The following CHN2 variants were observed in gnomAD, a reference collection of about 807,000 sequenced individuals.
CHN2 encodes the protein beta-chimaerin.
CHN2 carries 35 observed loss-of-function variants against 56.3 expected under a neutral mutation model. The observed-to-expected ratio is 0.62, with a 90% CI of 0.47 to 0.82. The LOEUF (loss-of-function observed/expected upper bound fraction) is 0.82, where lower values mean the gene tolerates loss of function less well. Ranked by LOEUF, CHN2 falls within the 40% of genes least tolerant of loss-of-function variation. The pLI, the probability that CHN2 is intolerant of heterozygous loss-of-function variation, is 0.00. For synonymous variants in CHN2, 210 were observed against 212.8 expected (o/e 0.99, Z 0.12); for missense variants, 491 against 580.5 (o/e 0.85, Z 1.58).
At chr7:29,211,944 G>A (rs1474239540) in intron 1 of CHN2, among the ~76,000 whole-genome samples, 3 of 151,970 alleles carry the variant, frequency 2.0e-5, no homozygotes, top group East Asian at 1.9e-4. Context: ...AAACTATAAC[G>A]AACCTCTTAC....
intron 1 of CHN2, among the ~76,000 whole-genome samples, chr7:29,292,023 A>G (rs1341240540): frequency 6.6e-6 from 1 of 152,218 alleles, no homozygotes; most frequent in African/African-American, 2.4e-5. Flanking sequence ...ATTTAATTCA[A>G]TATGTTTAAA....
intron 1 of CHN2, among the ~76,000 whole-genome samples, chr7:29,243,818 T>C (rs1392401259): frequency 1.3e-5 from 2 of 152,200 alleles, no homozygotes; most frequent in Admixed American, 6.5e-5. Context: ...GAATACGTAA[T>C]TTAAATAAGT....
At chr7:29,424,243 T>C (rs964341459) in intron 6 of CHN2, among the ~76,000 whole-genome samples, 2 of 152,164 alleles carry the variant, frequency 1.3e-5, no homozygotes, top group African/African-American at 2.4e-5. Flanking sequence ...CCTCCCACAT[T>C]GCTTTAACAT....
intron 6 of CHN2, among the ~76,000 whole-genome samples, chr7:29,432,960 G>C (rs972795723): frequency 5.9e-5 from 9 of 152,212 alleles, no homozygotes; most frequent in Non-Finnish European, 1.2e-4. Context: ...CGACAGCTCT[G>C]TAACTCCTAG....
chr7:29,255,486 G>A (rs536255455), intron 1 of CHN2, among the ~76,000 whole-genome samples: 3 of 152,348 alleles, frequency 2.0e-5, no homozygotes, highest in African/African-American at 7.2e-5. Context: ...GTCAGAGGAA[G>A]AAGCTGAGTG....
intron 9 of CHN2, among the ~76,000 whole-genome samples, chr7:29,501,119 A>AT (rs11393661): frequency 0.97 from 147,822 of 152,314 alleles, 71,757 homozygotes; most frequent in East Asian, 1. Flanking sequence ...CAACTACCCC[A>AT]TTTTTCCAAA....
intron 1 of CHN2, among the ~76,000 whole-genome samples, chr7:29,280,383 C>CA (rs67342328): frequency 0.011 from 1,715 of 150,402 alleles, 27 homozygotes; most frequent in African/African-American, 0.03. Flanking sequence ...GGCTCCGTCT[C>CA]ATAAATAAAT....
At chr7:29,176,132 G>A (rs750697713) in intron 2 of CHN2, among the ~76,000 whole-genome samples, 5 of 151,768 alleles carry the variant, frequency 3.3e-5, no homozygotes, top group African/African-American at 9.7e-5. Flanking sequence ...CTTACAGTGA[G>A]CCAAGATCGC....
intron 1 of CHN2, among the ~76,000 whole-genome samples, chr7:29,203,764 A>T (rs1176006451): frequency 6.6e-6 from 1 of 152,094 alleles, no homozygotes; most frequent in African/African-American, 2.4e-5. Flanking sequence ...TACCAAGGCA[A>T]CTCAGCCCTG....
chr7:29,190,540 C>G (rs1020095438), upstream of CHN2, among the ~76,000 whole-genome samples: 1 of 152,126 alleles, frequency 6.6e-6, no homozygotes, highest in Non-Finnish European at 1.5e-5. Context: ...ATTACACCAC[C>G]ATAAGAGCTA....
rs116492095 is a variant in CHN2 at position 29,293,686 on chromosome 7, C to G, written c.50-60939C>G. On this transcript the variant is annotated intron_variant, in intron 1 of 12. Coordinates refer to ENST00000222792, the MANE Select transcript of CHN2 (RefSeq NM_004067.4). ...GCTCTTCCTAGCTGTCCGCATGGCTCTCCGTCCCTCTGTCCATTCAAGCAC... is the reference window on the plus strand; with the variant it reads ...GCTCTTCCTAGCTGTCCGCATGGCTGTCCGTCCCTCTGTCCATTCAAGCAC... Among the ~76,000 whole-genome samples, 776 of 152,238 alleles carry G rather than the reference C, an allele frequency of 5.1e-3. 9 individuals carry two copies. The highest frequency in any genetic ancestry group is 0.017 in the African/African-American group (718 of 41,544).
At chr7:29,404,347 A>G (rs930758130) in intron 6 of CHN2, among the ~76,000 whole-genome samples, 5 of 152,232 alleles carry the variant, frequency 3.3e-5, no homozygotes, top group African/African-American at 1.2e-4. Flanking sequence ...TTTTTATTCA[A>G]TAAATATGGT....
intron 1 of CHN2, among the ~76,000 whole-genome samples, chr7:29,343,482 C>T (rs1199926577): frequency 2.6e-5 from 4 of 152,126 alleles, no homozygotes; most frequent in South Asian, 2.1e-4. Context: ...TTCTACTTGA[C>T]CTTCACATCA....
chr7:29,161,998 G>A (rs1315853947), intron 2 of CHN2, among the ~76,000 whole-genome samples: 1 of 152,080 alleles, frequency 6.6e-6, no homozygotes, highest in Admixed American at 6.6e-5. Flanking sequence ...TATTAGAATA[G>A]CTAAAATAAA....
intron 6 of CHN2, among the ~76,000 whole-genome samples, chr7:29,479,145 T>G (rs746903368): frequency 3.3e-5 from 5 of 152,210 alleles, no homozygotes; most frequent in Admixed American, 6.5e-5. Flanking sequence ...TTTCCCTGCT[T>G]CTTTTCATGG....
At chr7:29,327,976 G>A (rs566195599) in intron 1 of CHN2, among the ~76,000 whole-genome samples, 8 of 152,274 alleles carry the variant, frequency 5.3e-5, no homozygotes, top group African/African-American at 1.7e-4. Context: ...CCTCTCCAAA[G>A]CATAATGTTT....
chr7:29,503,645 C>T (rs769420117), intron 9 of CHN2, among the ~76,000 whole-genome samples: 3 of 152,124 alleles, frequency 2.0e-5, no homozygotes, highest in East Asian at 1.9e-4. Flanking sequence ...GGGAAGTATT[C>T]GTGATTTACG....
intron 6 of CHN2, among the ~76,000 whole-genome samples, chr7:29,443,151 A>G (rs955055270): frequency 2.0e-5 from 3 of 151,708 alleles, no homozygotes; most frequent in South Asian, 2.1e-4. Context: ...CTTGTTAGCC[A>G]GGATGGTCTC....
chr7:29,410,298 T>TGAG (rs10676873), intron 6 of CHN2, among the ~76,000 whole-genome samples: 92,745 of 151,624 alleles, frequency 0.61, 30,285 homozygotes, highest in African/African-American at 0.86. Context: ...AAGGTGAAAT[T>TGAG]GAGCTGTTTT....
Sources: allele counts gnomAD v4.1 joint callset (sites outside exome capture counted in the v4.1 genomes callset), GRCh38; gene constraint gnomAD v4.1.1; transcripts MANE v1.5; gene names NCBI Gene and HGNC (gene_info 2026-07-23, HGNC 2026-07-21).